Variants in TMOD3 observed in about 807,000 individuals in gnomAD.
TMOD3 encodes the protein tropomodulin 3.
In TMOD3, 20 loss-of-function variants were observed where a neutral mutation model predicts 39.2. The ratio of observed to expected loss-of-function variants is 0.51; its 90% CI spans 0.36 to 0.74. The LOEUF (loss-of-function observed/expected upper bound fraction) is 0.74. Ranked by LOEUF, TMOD3 falls within the 30% of genes least tolerant of loss-of-function variation. The pLI is 0.00. For missense variants in TMOD3, 381 were observed against 412.8 expected (o/e 0.92, Z 0.67); for synonymous variants, 143 against 145.8 (o/e 0.98, Z 0.14).
chr15:51,897,562 G>A (rs1595910867), intron 7 of TMOD3, among the ~76,000 whole-genome samples: 1 of 139,206 alleles, frequency 7.2e-6, no homozygotes, highest in African/African-American at 2.7e-5. Flanking sequence ...TCGGCTCACT[G>A]CAACCTCCGC....
chr15:51,846,967 A>C lies in TMOD3; in HGVS notation c.-74-15844A>C, dbSNP rs141388631. ...ATTTTGGCATCCATCTTTGGTATGC[A>C]CAGAGTGGGTTCCTCTTTGACCTTG... On this transcript the variant is annotated intron_variant, in intron 1 of 9. Transcript: ENST00000308580. Among the ~76,000 whole-genome samples, 400 of 152,294 alleles carry C rather than the reference A, an allele frequency of 2.6e-3. 4 individuals carry two copies. The highest frequency in any genetic ancestry group is 3.6e-3 in the Non-Finnish European group (248 of 68,030).
At chr15:51,908,383 A>C (rs957442782) in intron 9 of TMOD3, among the ~76,000 whole-genome samples, 3 of 152,212 alleles carry the variant, frequency 2.0e-5, no homozygotes, top group African/African-American at 4.8e-5. Context: ...AGACCAGCCT[A>C]GGCAAGATAG....
At chr15:51,907,965 AT>A (rs1447868314) in intron 9 of TMOD3, among the ~76,000 whole-genome samples, 2 of 152,200 alleles carry the variant, frequency 1.3e-5, no homozygotes, top group Non-Finnish European at 2.9e-5. Context: ...TGACCACACC[AT>A]ATTACCAGGG....
Position 51,860,487 on chromosome 15 carries a change from C to G in TMOD3, c.-74-2324C>G, listed in dbSNP as rs562211025. 1.6e-5 allele frequency: 9 copies of G among 570,670 alleles called. 1 individual carries two copies. Among genetic ancestry groups the G allele is most frequent in the South Asian group, 1.2e-4 (9 of 72,828 alleles). 35.4% of individuals were successfully genotyped at this position (570,670 alleles called of 1,614,324 possible). On this transcript the variant is annotated intron_variant, in intron 1 of 9. Coordinates refer to ENST00000308580, the MANE Select transcript of TMOD3 (RefSeq NM_014547.5). ...GCCCTCTGGATGAAAGTGCAGTGCC[C>G]AAAGAAATAGTTGCCTTGCACTTTC... is the stretch of plus-strand genomic sequence containing the variant.
intron 3 of TMOD3, among the ~76,000 whole-genome samples, chr15:51,869,674 A>G (rs746130809): frequency 6.6e-6 from 1 of 152,226 alleles, no homozygotes; most frequent in Non-Finnish European, 1.5e-5. Context: ...ATTCAGTGGT[A>G]GATTACAGAG....
At chr15:51,833,097 A>T (rs1300642197) in intron 1 of TMOD3, 1 of 152,246 alleles carries the variant, frequency 6.6e-6, no homozygotes, top group Non-Finnish European at 1.5e-5. Flanking sequence ...AGAATATTCT[A>T]CTGGGCCTAT....
chr15:51,896,710 C>T (rs1211911768), intron 7 of TMOD3, among the ~76,000 whole-genome samples, 184 bp downstream of exon 7: 1 of 151,250 alleles, frequency 6.6e-6, no homozygotes, highest in East Asian at 1.9e-4. Context: ...GAATTTTTTC[C>T]CCCTCCCAGC....
chr15:51,877,609 G>T (rs2056511212), intron 3 of TMOD3, among the ~76,000 whole-genome samples: 1 of 151,666 alleles, frequency 6.6e-6, no homozygotes, highest in Non-Finnish European at 1.5e-5. Context: ...GAAACCGGAA[G>T]ACGGAGGTTG....
rs2056695309 is a variant in TMOD3, at chr15:51,908,805, CA to C, written c.1055del (p.Gln352ArgfsTer7). 1 of 1,606,846 alleles carries C rather than the reference CA, an allele frequency of 6.2e-7. No homozygotes were observed. Among genetic ancestry groups the C allele is most frequent in the African/African-American group, 1.3e-5 (1 of 74,640 alleles). On this transcript the variant is annotated frameshift_variant, in exon 10 of 10. Coordinates refer to ENST00000308580, the MANE Select transcript of TMOD3 (RefSeq NM_014547.5). LOFTEE classifies it high-confidence loss of function. Reference sequence around the variant, plus strand: ...TAAGAGACGAGTTGAAGGAGATCACCAGTAAGTCTGCAAAGGTGTAATCTTT... The same window carrying C: ...TAAGAGACGAGTTGAAGGAGATCACCGTAAGTCTGCAAAGGTGTAATCTTT... ...VRKRRVEGDH[Q>X]
chr15:51,861,700 C>G (rs2056419904), intron 1 of TMOD3, among the ~76,000 whole-genome samples: 1 of 150,710 alleles, frequency 6.6e-6, no homozygotes, highest in African/African-American at 2.5e-5. Flanking sequence ...CTATGTCACC[C>G]AGGCTAGAGT....
At chr15:51,842,274 A>G (rs2056316067) in intron 1 of TMOD3, among the ~76,000 whole-genome samples, 1 of 152,182 alleles carries the variant, frequency 6.6e-6, no homozygotes, top group African/African-American at 2.4e-5. Flanking sequence ...ACTGGACTGC[A>G]TGCTGCTTCT....
intron 6 of TMOD3, among the ~76,000 whole-genome samples, chr15:51,896,156 GA>G (rs1566866650): frequency 1.3e-5 from 2 of 150,988 alleles, no homozygotes; most frequent in African/African-American, 5.0e-5. Flanking sequence ...AGAATAATGA[GA>G]ATTTTTTTTA....
At chr15:51,870,109 T>C (rs183112417) in intron 3 of TMOD3, among the ~76,000 whole-genome samples, 29 of 152,276 alleles carry the variant, frequency 1.9e-4, no homozygotes, top group African/African-American at 6.7e-4. Flanking sequence ...TGGCTAATTT[T>C]TGTATTTTTA....
intron 3 of TMOD3, among the ~76,000 whole-genome samples, chr15:51,872,356 G>A (rs2056479286): frequency 6.6e-6 from 1 of 151,718 alleles, no homozygotes; most frequent in South Asian, 2.1e-4. Flanking sequence ...TTGCTCTACT[G>A]TACTCCAGCC....
chr15:51,834,722 T>C (rs1863429), intron 1 of TMOD3, among the ~76,000 whole-genome samples: 94,541 of 151,974 alleles, frequency 0.62, 30,153 homozygotes, highest in East Asian at 1. Flanking sequence ...TCCCAGCTAC[T>C]TGGGGGGCTG....
chr15:51,900,070 A>G (rs892101548), intron 7 of TMOD3, 85 bp from the exon 8 acceptor site: 82 of 1,025,426 alleles, frequency 8.0e-5, no homozygotes, highest in Admixed American at 1.2e-4. Context: ...AAGGCAGTTA[A>G]TTAATGTATT....
intron 2 of TMOD3, among the ~76,000 whole-genome samples, chr15:51,867,419 A>G (rs781675251): frequency 1.2e-4 from 18 of 152,180 alleles, no homozygotes; most frequent in Non-Finnish European, 2.1e-4. Context: ...ACAATTTTGT[A>G]TTACAGAAAC....
rs7178294 is a variant in TMOD3, at chr15:51,907,666, T to G, written c.1025-1110T>G. 9.9e-3 allele frequency among the ~76,000 whole-genome samples: 1,506 copies of G among 152,338 alleles called. 24 individuals are homozygous for G. The highest frequency in any genetic ancestry group is 0.035 in the African/African-American group (1,446 of 41,566). On this transcript the variant is annotated intron_variant, in intron 9 of 9. Coordinates refer to ENST00000308580, the MANE Select transcript of TMOD3 (RefSeq NM_014547.5). ...ATGATTCACTCTATTTGTCATCAAC[T>G]CTGGAACCTGTGGTTTTTGTCCTCT... is the stretch of plus-strand genomic sequence containing the variant.
intron 3 of TMOD3, among the ~76,000 whole-genome samples, chr15:51,882,724 A>G (rs2056541290): frequency 6.6e-6 from 1 of 152,162 alleles, no homozygotes; most frequent in African/African-American, 2.4e-5. Flanking sequence ...GCTTTGCATT[A>G]AATTTTAACA....
Sources: gnomAD v4.1 joint callset for allele counts (sites outside exome capture counted in the v4.1 genomes callset) on GRCh38, gnomAD v4.1.1 for gene constraint, MANE v1.5 for transcripts, NCBI Gene and HGNC (gene_info 2026-07-23, HGNC 2026-07-21) for gene names.